NMNAT2: variants seen among roughly 807,000 people sequenced by gnomAD.
NMNAT2 encodes the protein nicotinamide/nicotinic acid mononucleotide adenylyltransferase 2.
A neutral mutation model predicts 41.6 loss-of-function variants in NMNAT2; 11 were observed. The ratio of observed to expected loss-of-function variants is 0.26; its 90% CI spans 0.17 to 0.44. The LOEUF (loss-of-function observed/expected upper bound fraction) is 0.44, where lower values mean the gene tolerates loss of function less well. Ranked by LOEUF, NMNAT2 falls within the 20% of genes least tolerant of loss-of-function variation. The probability of loss-of-function intolerance (pLI) is 1.00; values close to 1 mark genes in which losing one functional copy is unlikely to be tolerated. For synonymous variants in NMNAT2, 148 were observed against 151.2 expected (o/e 0.98, Z 0.16); for missense variants, 288 against 407.7 (o/e 0.71, Z 2.53).
chr1:183,332,029 C>A (rs966193743), intron 1 of NMNAT2, among the ~76,000 whole-genome samples: 2 of 152,170 alleles, frequency 1.3e-5, no homozygotes, highest in East Asian at 3.8e-4. Flanking sequence ...GTGATCCACA[C>A]GCCTCAGCCT....
intron 1 of NMNAT2, among the ~76,000 whole-genome samples, chr1:183,335,901 A>G (rs562473935): frequency 1.3e-5 from 2 of 152,226 alleles, no homozygotes; most frequent in African/African-American, 4.8e-5. Flanking sequence ...AGGCTGGCCT[A>G]TCTTTGGGCA....
intron 1 of NMNAT2, among the ~76,000 whole-genome samples, chr1:183,360,715 C>T (rs1663289303): frequency 6.6e-6 from 1 of 152,138 alleles, no homozygotes; most frequent in African/African-American, 2.4e-5. Flanking sequence ...TGGCAGTGTG[C>T]CTCTCACTGC....
chr1:183,389,034 T>C (rs12410472), intron 1 of NMNAT2, among the ~76,000 whole-genome samples: 12,013 of 152,164 alleles, frequency 0.079, 513 homozygotes, highest in Admixed American at 0.11. Flanking sequence ...AGGAGGGAGT[T>C]AGGGAATGGA....
chr1:183,341,307 C>T (rs1317033643), intron 1 of NMNAT2, among the ~76,000 whole-genome samples: 1 of 152,038 alleles, frequency 6.6e-6, no homozygotes, highest in Admixed American at 6.6e-5. Flanking sequence ...AACCACAATG[C>T]TATAAACAAT....
At chr1:183,327,861 T>G (rs1043403962) in intron 1 of NMNAT2, among the ~76,000 whole-genome samples, 1 of 152,156 alleles carries the variant, frequency 6.6e-6, no homozygotes, top group African/African-American at 2.4e-5. Context: ...CTGCTTTCCC[T>G]CCCTGTCCTC....
At chr1:183,278,514 A>G in intron 8 of NMNAT2, 39 bp downstream of exon 8, 1 of 1,442,650 alleles carries the variant, frequency 6.9e-7, no homozygotes, top group East Asian at 2.3e-5. Context: ...CATCCCTCCC[A>G]GTCCCAGCTG....
intron 1 of NMNAT2, among the ~76,000 whole-genome samples, chr1:183,322,296 CTG>C (rs1235121659): frequency 6.6e-6 from 1 of 152,188 alleles, no homozygotes; most frequent in East Asian, 1.9e-4. Context: ...TGTCATTTGA[CTG>C]TGATTTCCTT....
intron 8 of NMNAT2, among the ~76,000 whole-genome samples, chr1:183,261,594 T>G (rs965860784): frequency 2.0e-5 from 3 of 152,222 alleles, no homozygotes; most frequent in Non-Finnish European, 4.4e-5. Context: ...CTCCAATTCC[T>G]GAGGCTCCCG....
At chr1:183,301,277 G>A (rs1430496456) in intron 1 of NMNAT2, among the ~76,000 whole-genome samples, 2 of 152,126 alleles carry the variant, frequency 1.3e-5, no homozygotes, top group Admixed American at 6.5e-5. Flanking sequence ...AACAGCAAGC[G>A]ACTAAAGACA....
intron 8 of NMNAT2, among the ~76,000 whole-genome samples, chr1:183,273,389 C>T (rs1017040064): frequency 3.9e-5 from 6 of 152,158 alleles, no homozygotes; most frequent in African/African-American, 1.4e-4. Context: ...TCGGGGCACC[C>T]GATAATAAAG....
At chr1:183,304,682 C>T in intron 1 of NMNAT2, 3 of 1,614,096 alleles carry the variant, frequency 1.9e-6, no homozygotes, top group Non-Finnish European at 2.5e-6. Context: ...GAGAGAGTAA[C>T]AAACACTTCC....
At chr1:183,312,642 T>C (rs1662150473) in intron 1 of NMNAT2, among the ~76,000 whole-genome samples, 1 of 152,194 alleles carries the variant, frequency 6.6e-6, no homozygotes, top group African/African-American at 2.4e-5. Context: ...TATGAATGTT[T>C]GGCAAATGGC....
chr1:183,302,551 C>A (rs762711607), intron 1 of NMNAT2, among the ~76,000 whole-genome samples: 1 of 152,142 alleles, frequency 6.6e-6, no homozygotes, highest in Admixed American at 6.5e-5. Flanking sequence ...CTAGAGATAG[C>A]GAATAACTGG....
chr1:183,338,208 T>A (rs692998), intron 1 of NMNAT2, among the ~76,000 whole-genome samples: 104,723 of 147,292 alleles, frequency 0.71, 37,330 homozygotes, highest in East Asian at 0.9. Context: ...TGGGAATAGA[T>A]CTGACAGATC....
chr1:183,316,680 G>T (rs1001467274), intron 1 of NMNAT2, among the ~76,000 whole-genome samples: 1 of 152,156 alleles, frequency 6.6e-6, no homozygotes, highest in Non-Finnish European at 1.5e-5. Context: ...CCAGCTTGCT[G>T]CCTTCCTCAG....
chr1:183,315,335 C>T (rs1557875736), intron 1 of NMNAT2, among the ~76,000 whole-genome samples: 2 of 152,174 alleles, frequency 1.3e-5, no homozygotes, highest in African/African-American at 4.8e-5. Flanking sequence ...CTAAGTTCAC[C>T]ACTGACAAAG....
chr1:183,259,821 G>A (rs1366079172), intron 10 of NMNAT2, among the ~76,000 whole-genome samples: 1 of 152,026 alleles, frequency 6.6e-6, no homozygotes, highest in African/African-American at 2.4e-5. Context: ...GGATGGTCTC[G>A]ATCTCCTGAC....
intron 8 of NMNAT2, among the ~76,000 whole-genome samples, chr1:183,263,492 T>G (rs990069884): frequency 6.6e-6 from 1 of 152,128 alleles, no homozygotes; most frequent in Non-Finnish European, 1.5e-5. Flanking sequence ...TTTAAACATT[T>G]CCAAAGCCCC....
chr1:183,368,245 G>C (rs577181706), intron 1 of NMNAT2, among the ~76,000 whole-genome samples: 93 of 152,176 alleles, frequency 6.1e-4, no homozygotes, highest in Non-Finnish European at 1.2e-3. Flanking sequence ...GCAAGTCTTA[G>C]AGCCATTAGC....
Sources: allele counts gnomAD v4.1 joint callset (sites outside exome capture counted in the v4.1 genomes callset), GRCh38; gene constraint gnomAD v4.1.1; transcripts MANE v1.5; gene names NCBI Gene and HGNC (gene_info 2026-07-23, HGNC 2026-07-21).